The following DPP10 variants were observed in gnomAD, a reference collection of about 807,000 sequenced individuals.
DPP10 encodes the protein dipeptidyl peptidase like 10.
In DPP10, 33 loss-of-function variants were observed where a neutral mutation model predicts 120.9. The ratio of observed to expected loss-of-function variants is 0.27; its 90% confidence interval spans 0.21 to 0.37. The LOEUF is 0.37. DPP10 is among the 10% of genes least tolerant of loss of function. DPP10 has a pLI of 1.00. For synonymous variants in DPP10, 337 were observed against 326.1 expected (o/e 1.03, Z -0.36); for missense variants, 816 against 942.8 (o/e 0.87, Z 1.76).
chr2:114,668,419 C>T (rs957026371), intron 1 of DPP10, among the ~76,000 whole-genome samples: 8 of 152,152 alleles, frequency 5.3e-5, no homozygotes, highest in Non-Finnish European at 5.9e-5. Context: ...TTGGATAATG[C>T]CTGCCTACAT....
At chr2:114,999,848 CAAAAT>C (rs1050738901) in intron 1 of DPP10, among the ~76,000 whole-genome samples, 4 of 151,846 alleles carry the variant, frequency 2.6e-5, no homozygotes, top group Non-Finnish European at 1.5e-5. Context: ...AAAAGCAAAG[CAAAAT>C]AAAACAAAAC....
intron 7 of DPP10, among the ~76,000 whole-genome samples, chr2:115,708,975 A>G (rs2901395): frequency 0.12 from 18,491 of 152,104 alleles, 1,360 homozygotes; most frequent in Non-Finnish European, 0.16. Context: ...TAGAAGAGCA[A>G]TTGCTCACAC....
intron 1 of DPP10, among the ~76,000 whole-genome samples, chr2:115,282,603 G>T (rs942597221): frequency 3.3e-5 from 5 of 151,946 alleles, no homozygotes; most frequent in African/African-American, 9.7e-5. Flanking sequence ...AAGCAGTTTT[G>T]CTCCTCAGAG....
At chr2:115,482,001 C>T (rs1180001886) in intron 3 of DPP10, among the ~76,000 whole-genome samples, 10 of 151,948 alleles carry the variant, frequency 6.6e-5, no homozygotes, top group African/African-American at 2.4e-5. Context: ...AAAAGTTAAA[C>T]TTTACTTGGA....
intron 1 of DPP10, among the ~76,000 whole-genome samples, chr2:115,272,640 C>T (rs1028709504): frequency 3.3e-5 from 5 of 152,224 alleles, no homozygotes; most frequent in African/African-American, 1.2e-4. Flanking sequence ...CTCCTTCTAA[C>T]AAAATATCAA....
At chr2:114,837,368 C>G (rs1283912644) in intron 1 of DPP10, among the ~76,000 whole-genome samples, 2 of 152,148 alleles carry the variant, frequency 1.3e-5, no homozygotes, top group Non-Finnish European at 2.9e-5. Context: ...ACAGCTATTT[C>G]ATAATATTAG....
intron 1 of DPP10, among the ~76,000 whole-genome samples, chr2:115,241,147 T>C (rs950350976): frequency 1.3e-5 from 2 of 152,198 alleles, no homozygotes; most frequent in African/African-American, 4.8e-5. Flanking sequence ...CAGGCACCTG[T>C]AATTCCAGCT....
chr2:114,648,140 C>T (rs1185485892), intron 1 of DPP10, among the ~76,000 whole-genome samples: 3 of 152,264 alleles, frequency 2.0e-5, no homozygotes, highest in African/African-American at 7.2e-5. Context: ...TTGTATCACC[C>T]TGAGTCCACT....
rs115363682 is a variant in DPP10, at chr2:115,087,914, G to A, written c.61-221325G>A. ...GATGCTGTCAGGTGGTGTCTTGGTT[G>A]ATTTGAGCCGCTGTAACAAAATACC... is the stretch of plus-strand genomic sequence containing the variant. On this transcript the variant is annotated intron_variant, in intron 1 of 25. Coordinates refer to ENST00000410059, the MANE Select transcript of DPP10 (RefSeq NM_020868.6). Among the ~76,000 whole-genome samples, 1,198 of 152,184 alleles carry A rather than the reference G, an allele frequency of 7.9e-3. 7 individuals are homozygous for A. Among genetic ancestry groups the A allele is most frequent in the South Asian group, 0.016 (75 of 4,824 alleles).
chr2:114,681,560 A>G (rs994794394), intron 1 of DPP10, among the ~76,000 whole-genome samples: 3 of 152,040 alleles, frequency 2.0e-5, no homozygotes, highest in Non-Finnish European at 2.9e-5. Context: ...CCTGATTGCC[A>G]AAAGGCCCTT....
At chr2:114,693,392 G>A (rs138864322) in intron 1 of DPP10, among the ~76,000 whole-genome samples, 12 of 152,010 alleles carry the variant, frequency 7.9e-5, no homozygotes, top group Admixed American at 7.2e-4. Context: ...CTTCAAGAAC[G>A]TTGAATATTG....
At chr2:115,355,627 G>A (rs2064326012) in intron 3 of DPP10, among the ~76,000 whole-genome samples, 1 of 152,080 alleles carries the variant, frequency 6.6e-6, no homozygotes, top group African/African-American at 2.4e-5. Context: ...TGAAGTCTTT[G>A]CCCATGCCTA....
At chr2:115,049,481 C>G (rs1705309390) in intron 1 of DPP10, among the ~76,000 whole-genome samples, 1 of 152,098 alleles carries the variant, frequency 6.6e-6, no homozygotes, top group Admixed American at 6.6e-5. Flanking sequence ...ACAATATTTG[C>G]TGACTTTATA....
chr2:114,812,154 C>T (rs1685231195), intron 1 of DPP10, among the ~76,000 whole-genome samples: 1 of 152,122 alleles, frequency 6.6e-6, no homozygotes, highest in South Asian at 2.1e-4. Context: ...TATAGAGAAA[C>T]ATGTAAATTT....
intron 1 of DPP10, among the ~76,000 whole-genome samples, chr2:114,577,038 T>C (rs888596108): frequency 2.0e-5 from 3 of 152,046 alleles, no homozygotes; most frequent in Non-Finnish European, 4.4e-5. Context: ...GAGAAAAATA[T>C]ATGGTATGTT....
intron 1 of DPP10, among the ~76,000 whole-genome samples, chr2:115,202,090 C>G (rs895027175): frequency 6.6e-6 from 1 of 152,090 alleles, no homozygotes; most frequent in Admixed American, 6.5e-5. Context: ...GCCACAGATG[C>G]ATTTTCATTA....
chr2:115,253,128 C>A (rs936972847), intron 1 of DPP10, among the ~76,000 whole-genome samples: 6 of 152,066 alleles, frequency 3.9e-5, no homozygotes, highest in African/African-American at 1.4e-4. Context: ...GAAGGTGAAG[C>A]AGGAGCAGGC....
intron 5 of DPP10, among the ~76,000 whole-genome samples, chr2:115,541,449 TA>T (rs1416398781): frequency 6.6e-6 from 1 of 151,742 alleles, no homozygotes; most frequent in African/African-American, 2.4e-5. Flanking sequence ...GCACTTCCTC[TA>T]GCTTTGTGTT....
chr2:115,813,420 T>G (rs1157521575), intron 19 of DPP10, among the ~76,000 whole-genome samples: 1 of 152,184 alleles, frequency 6.6e-6, no homozygotes, highest in Non-Finnish European at 1.5e-5. Flanking sequence ...GAGTCTTTTG[T>G]GTGTGCAAAT....
Sources: gnomAD v4.1 joint callset for allele counts (sites outside exome capture counted in the v4.1 genomes callset) on GRCh38, gnomAD v4.1.1 for gene constraint, MANE v1.5 for transcripts, NCBI Gene and HGNC (gene_info 2026-07-23, HGNC 2026-07-21) for gene names.